ENTREP2: variants seen among roughly 807,000 people sequenced by gnomAD.
The protein encoded by ENTREP2 is protein ENTREP2.
chr15:29,234,242 C>A, the ENTREP2 span: 8 of 1,612,394 alleles, frequency 5.0e-6, no homozygotes, highest in South Asian at 7.7e-5. Flanking sequence ...TAACTCTTCT[C>A]TTCTCTCTTC....
the ENTREP2 span, among the ~76,000 whole-genome samples, chr15:29,584,279 C>A: frequency 6.6e-6 from 1 of 152,082 alleles, no homozygotes; most frequent in East Asian, 1.9e-4. Context: ...TGATGTTTCT[C>A]CAACAAAGGA....
chr15:29,174,071 C>T, the ENTREP2 span, among the ~76,000 whole-genome samples: 17 of 151,974 alleles, frequency 1.1e-4, no homozygotes, highest in African/African-American at 3.6e-4. Context: ...CAATCTTAAT[C>T]GTAGGTGGAA....
chr15:29,206,637 G>A, the ENTREP2 span, among the ~76,000 whole-genome samples: 1 of 152,200 alleles, frequency 6.6e-6, no homozygotes, highest in African/African-American at 2.4e-5. Context: ...GGACTCAGTC[G>A]GGGACAGGGG....
At chr15:29,469,066 C>T in the ENTREP2 span, among the ~76,000 whole-genome samples, 2 of 152,164 alleles carry the variant, frequency 1.3e-5, no homozygotes, top group East Asian at 1.9e-4. Flanking sequence ...CACCCCATCC[C>T]GATAGCCCCC....
At chr15:29,331,769 A>G in the ENTREP2 span, among the ~76,000 whole-genome samples, 3 of 152,178 alleles carry the variant, frequency 2.0e-5, no homozygotes, top group African/African-American at 7.2e-5. Flanking sequence ...TAAAGAAAAT[A>G]AAGCACAAAA....
the ENTREP2 span, among the ~76,000 whole-genome samples, chr15:29,564,670 G>A: frequency 6.6e-6 from 1 of 152,128 alleles, no homozygotes; most frequent in Non-Finnish European, 1.5e-5. Context: ...ACTTTAAAGG[G>A]TGAGCAGCTC....
At chr15:29,449,891 T>A in the ENTREP2 span, among the ~76,000 whole-genome samples, 1 of 152,230 alleles carries the variant, frequency 6.6e-6, no homozygotes, top group South Asian at 2.1e-4. Flanking sequence ...GTCCCTTTCC[T>A]CTACAAACTC....
the ENTREP2 span, among the ~76,000 whole-genome samples, chr15:29,466,798 G>A: frequency 5.3e-5 from 7 of 133,232 alleles, 1 homozygote; most frequent in Non-Finnish European, 1.1e-4. Flanking sequence ...AGGAGAGGAC[G>A]CTGCAGCCCC....
At chr15:29,204,640 T>G in the ENTREP2 span, among the ~76,000 whole-genome samples, 1 of 152,058 alleles carries the variant, frequency 6.6e-6, no homozygotes, top group Non-Finnish European at 1.5e-5. Flanking sequence ...CGGACCCCAG[T>G]GAGGATCAAA....
At chr15:29,218,942 C>T in the ENTREP2 span, among the ~76,000 whole-genome samples, 2 of 152,084 alleles carry the variant, frequency 1.3e-5, no homozygotes, top group Admixed American at 6.5e-5. Context: ...AAAACAAATG[C>T]AATAAAAACA....
chr15:29,180,945 GA>G, the ENTREP2 span, among the ~76,000 whole-genome samples: 2 of 150,146 alleles, frequency 1.3e-5, no homozygotes, highest in Admixed American at 6.6e-5. Context: ...TGGAAGGAAG[GA>G]AAAAATGGAG....
At chr15:29,648,083 C>T in the ENTREP2 span, among the ~76,000 whole-genome samples, 22 of 146,420 alleles carry the variant, frequency 1.5e-4, no homozygotes, top group African/African-American at 5.5e-4. Flanking sequence ...ATACCGGCTC[C>T]ACCTGAACAT....
chr15:29,251,214 G>A, the ENTREP2 span, among the ~76,000 whole-genome samples: 1 of 152,192 alleles, frequency 6.6e-6, no homozygotes, highest in Non-Finnish European at 1.5e-5. Context: ...GGCTCTGAAA[G>A]GTAGCCTGCT....
the ENTREP2 span, chr15:29,373,833 T>C: frequency 6.6e-6 from 1 of 152,048 alleles, no homozygotes; most frequent in Non-Finnish European, 1.5e-5. Flanking sequence ...CAAAATAATA[T>C]GCAACTGTTT....
At chr15:29,223,370 T>G in the ENTREP2 span, among the ~76,000 whole-genome samples, 1 of 152,246 alleles carries the variant, frequency 6.6e-6, no homozygotes, top group East Asian at 1.9e-4. Flanking sequence ...GGGATTCTGT[T>G]TCTTCCTCTC....
the ENTREP2 span, among the ~76,000 whole-genome samples, chr15:29,657,483 C>CGGGGGGGGGGGGGGGGGGGG: frequency 2.9e-5 from 2 of 69,434 alleles, no homozygotes; most frequent in African/African-American, 6.0e-5. Context: ...GCTGGGGGGG[C>CGGGGGGGGGGGGGGGGGGGG]GGGGGGGGGG....
the ENTREP2 span, among the ~76,000 whole-genome samples, chr15:29,141,781 C>T: frequency 6.6e-6 from 1 of 152,346 alleles, no homozygotes; most frequent in Non-Finnish European, 1.5e-5. Flanking sequence ...GCTGAATCAA[C>T]TTCCTCCTGG....
the ENTREP2 span, among the ~76,000 whole-genome samples, chr15:29,221,443 G>GC: frequency 6.6e-6 from 1 of 151,968 alleles, no homozygotes. Context: ...CTCATGATCT[G>GC]CCCACCTCGG....
At chr15:29,304,207 T>G in the ENTREP2 span, among the ~76,000 whole-genome samples, 1 of 151,910 alleles carries the variant, frequency 6.6e-6, no homozygotes, top group Non-Finnish European at 1.5e-5. Context: ...TTATCAACAC[T>G]CCACTGAAAA....
Sources: gnomAD v4.1 joint callset for allele counts (sites outside exome capture counted in the v4.1 genomes callset) on GRCh38, gnomAD v4.1.1 for gene constraint, MANE v1.5 for transcripts, NCBI Gene and HGNC (gene_info 2026-07-23, HGNC 2026-07-21) for gene names.